The following USP15 variants were observed in gnomAD, a reference collection of about 807,000 sequenced individuals.
The protein encoded by USP15 is ubiquitin carboxyl-terminal hydrolase 15.
Under a neutral mutation model 127.1 loss-of-function variants are expected in USP15, and 18 were observed. That is an observed-to-expected ratio of 0.14 (90% CI 0.10 to 0.21). The LOEUF is 0.21. Among genes scored for constraint, USP15 ranks in the 10% least tolerant of loss-of-function variants. The probability of loss-of-function intolerance (pLI) is 1.00; values close to 1 mark genes in which losing one functional copy is unlikely to be tolerated. For missense variants in USP15, 805 were observed against 1,159.9 expected (o/e 0.69, Z 4.44); for synonymous variants, 364 against 393.7 (o/e 0.92, Z 0.89).
intron 6 of USP15, among the ~76,000 whole-genome samples, chr12:62,329,581 A>C (rs2065226663): frequency 6.7e-6 from 1 of 150,162 alleles, no homozygotes. Context: ...TATATTAAGA[A>C]CTCCTAAAAG....
chr12:62,383,923 A>C lies in USP15; in HGVS notation c.1173A>C (p.Gly391=). ...AACTGTTAGCTTTCCTATTAGATGG[A>C]TTACATGAGGATTTGAATAGAATTA... The part of the protein sequence containing the change: ...CQELLAFLLD[G]LHEDLNRIRK... Residue 391 remains glycine, a synonymous_variant, in exon 10 of 22, where the codon GGA becomes GGC. Coordinates refer to ENST00000280377, the MANE Select transcript of USP15 (RefSeq NM_001252078.2). 1 of 1,613,008 alleles carries C rather than the reference A, an allele frequency of 6.2e-7. No homozygotes were observed. The highest frequency in any genetic ancestry group is 8.5e-7 in the Non-Finnish European group (1 of 1,179,192).
At chr12:62,315,087 G>A in intron 4 of USP15, 171 bp downstream of exon 4, 2 of 585,482 alleles carry the variant, frequency 3.4e-6, no homozygotes, top group African/African-American at 1.9e-5. Context: ...TTTCTTGTAT[G>A]CTTTTGCATT....
intron 2 of USP15, among the ~76,000 whole-genome samples, chr12:62,302,199 C>T (rs1384836305): frequency 1.3e-5 from 2 of 152,092 alleles, no homozygotes. Flanking sequence ...GCCCGTGTGT[C>T]TTGGTGTCAT....
rs1292829441 is a variant in USP15 at position 62,389,532 on chromosome 12, T to C, written c.1557+18T>C. 1.9e-6 allele frequency: 3 copies of C among 1,612,910 alleles called. No individual in the cohort carries two copies. In the African/African-American group the frequency reaches 4.0e-5, roughly 22 times the overall value. ...CAGATAAGGTAAGATGTTTCTGGGG[T>C]TGAAGTATATAAGTTGGTATTTAGT... On this transcript the variant is annotated intron_variant, in intron 12 of 21. Coordinates refer to ENST00000280377, the MANE Select transcript of USP15 (RefSeq NM_001252078.2).
At chr12:62,373,508 T>TGG (rs2066738131) in intron 8 of USP15, among the ~76,000 whole-genome samples, 1 of 151,986 alleles carries the variant, frequency 6.6e-6, no homozygotes, top group Non-Finnish European at 1.5e-5. Context: ...AGATTAATGA[T>TGG]ATATATTCAA....
At chr12:62,394,013 T>C (rs2137632717) in intron 19 of USP15, 1 of 152,378 alleles carries the variant, frequency 6.6e-6, no homozygotes, top group South Asian at 2.1e-4. Flanking sequence ...TATGACATCA[T>C]ATTTGTAAAA....
At chr12:62,348,204 T>C (rs1466240121) in intron 6 of USP15, among the ~76,000 whole-genome samples, 1 of 152,164 alleles carries the variant, frequency 6.6e-6, no homozygotes, top group Non-Finnish European at 1.5e-5. Context: ...CGAAACCCTG[T>C]CTCTAAAAAA....
chr12:62,395,126 T>G (rs1280338231), intron 19 of USP15, among the ~76,000 whole-genome samples: 1 of 152,160 alleles, frequency 6.6e-6, no homozygotes, highest in African/African-American at 2.4e-5. Flanking sequence ...ATTAATATTT[T>G]TTAAAACTTC....
At chr12:62,315,409 C>T (rs891433988) in intron 4 of USP15, among the ~76,000 whole-genome samples, 3 of 151,650 alleles carry the variant, frequency 2.0e-5, no homozygotes, top group Non-Finnish European at 2.9e-5. Flanking sequence ...TTAATTCTCT[C>T]TATATATTAA....
At chr12:62,306,519 A>G (rs914557628) in intron 3 of USP15, among the ~76,000 whole-genome samples, 8 of 152,160 alleles carry the variant, frequency 5.3e-5, no homozygotes, top group African/African-American at 1.9e-4. Context: ...GTGGTAGAGT[A>G]AGTTTAGCAA....
At chr12:62,344,907 C>T (rs1174404930) in intron 6 of USP15, among the ~76,000 whole-genome samples, 1 of 152,210 alleles carries the variant, frequency 6.6e-6, no homozygotes, top group Non-Finnish European at 1.5e-5. Flanking sequence ...TACCAAGTCC[C>T]TAGGCTGCAC....
chr12:62,322,159 ACT>A (rs2065003548), intron 5 of USP15, among the ~76,000 whole-genome samples: 2 of 152,058 alleles, frequency 1.3e-5, no homozygotes, highest in Non-Finnish European at 2.9e-5. Context: ...ACGGAGTCTC[ACT>A]CTGTTGCCCA....
intron 6 of USP15, chr12:62,336,354 C>T (rs142898597): frequency 1.0e-6 from 1 of 985,406 alleles, no homozygotes; most frequent in East Asian, 1.1e-4. Context: ...CCTAAACTGT[C>T]TTCATTTCCT....
intron 1 of USP15, among the ~76,000 whole-genome samples, chr12:62,270,997 T>G (rs1451356486): frequency 1.3e-5 from 2 of 152,078 alleles, no homozygotes; most frequent in Non-Finnish European, 2.9e-5. Context: ...GAATGTTTTG[T>G]GTCATTTAAC....
rs1418446013 is a variant in USP15 at position 62,411,463 on chromosome 12, A to G, written c.*7088A>G. The G allele has an allele frequency of 6.6e-6, 1 of 152,244 alleles. No individual in the cohort carries two copies. Among genetic ancestry groups the G allele is most frequent in the Non-Finnish European group, 1.5e-5 (1 of 68,042 alleles). The allele number at this position is 152,244 out of a possible 1,614,324, so 9.4% of individuals were successfully genotyped here. A position where few individuals can be genotyped will look rare whatever the true frequency, so the allele number is the denominator to read the frequency against. On this transcript the variant is annotated 3_prime_UTR_variant, in exon 22 of 22. Coordinates refer to ENST00000280377, the MANE Select transcript of USP15 (RefSeq NM_001252078.2). ...ATACAAAAACAAAATCCAGTTACAA[A>G]TATAATTTTTAAAGCTATTTGTGAG...
chr12:62,333,819 G>A (rs1489518281), intron 6 of USP15, among the ~76,000 whole-genome samples: 1 of 152,042 alleles, frequency 6.6e-6, no homozygotes, highest in Non-Finnish European at 1.5e-5. Flanking sequence ...GGGAATATAA[G>A]CATATATAAA....
chr12:62,373,395 C>T lies in USP15; in HGVS notation c.916-8095C>T, dbSNP rs536980953. On this transcript the variant is annotated intron_variant, in intron 8 of 21. Transcript: ENST00000280377. ...AACTTTGATAATTCTTCATTGAATT[C>T]AAATAGTATGTGAAGAAGAAATACC... Among the ~76,000 whole-genome samples the T allele has an allele frequency of 1.2e-3, 177 of 151,966 alleles. 1 individual carries two copies. Among genetic ancestry groups the T allele is most frequent in the African/African-American group, 4.1e-3 (171 of 41,492 alleles).
intron 8 of USP15, among the ~76,000 whole-genome samples, chr12:62,365,936 T>C (rs1336841651): frequency 6.6e-6 from 1 of 152,236 alleles, no homozygotes; most frequent in East Asian, 1.9e-4. Flanking sequence ...ACCAGTACCA[T>C]GCTGTTTTGG....
intron 1 of USP15, among the ~76,000 whole-genome samples, chr12:62,270,104 A>G (rs529175910): frequency 6.6e-6 from 1 of 151,800 alleles, no homozygotes; most frequent in East Asian, 1.9e-4. Flanking sequence ...TGTAGTTTTG[A>G]TTTGCATTTT....
Sources: allele counts gnomAD v4.1 joint callset (sites outside exome capture counted in the v4.1 genomes callset), GRCh38; gene constraint gnomAD v4.1.1; transcripts MANE v1.5; gene names NCBI Gene and HGNC (gene_info 2026-07-23, HGNC 2026-07-21).